TICRR: variants seen among roughly 807,000 people sequenced by gnomAD.
The protein encoded by TICRR is TOPBP1 interacting checkpoint and replication regulator.
In TICRR, 132 loss-of-function variants were observed where a neutral mutation model predicts 178.1. That is an observed-to-expected ratio of 0.74 (90% CI 0.64 to 0.86). The LOEUF (loss-of-function observed/expected upper bound fraction) is 0.86, where lower values mean the gene tolerates loss of function less well. Ranked by LOEUF, TICRR falls within the 40% of genes least tolerant of loss-of-function variation. TICRR has a pLI of 0.00. For synonymous variants in TICRR, 991 were observed against 900.7 expected, an observed-to-expected ratio of 1.10 and a Z score of -1.79; for missense variants, 2,587 against 2,334.3, an observed-to-expected ratio of 1.11 and a Z score of -2.23.
intron 21 of TICRR, among the ~76,000 whole-genome samples, chr15:89,626,344 A>G: frequency 6.6e-6 from 1 of 152,224 alleles, no homozygotes; most frequent in East Asian, 1.9e-4. Context: ...CTGCAGTCTA[A>G]GAATCTGAAC....
intron 15 of TICRR, among the ~76,000 whole-genome samples, chr15:89,610,407 C>G (rs1258123810): frequency 6.6e-6 from 1 of 152,146 alleles, no homozygotes; most frequent in African/African-American, 2.4e-5. Flanking sequence ...GTATATATGT[C>G]AATAATTATT....
intron 14 of TICRR, among the ~76,000 whole-genome samples, chr15:89,607,276 T>C (rs187341507): frequency 6.6e-6 from 1 of 152,196 alleles, no homozygotes; most frequent in Admixed American, 6.5e-5. Flanking sequence ...ATATTTTGAG[T>C]GTAATAATGG....
At position 89,599,300 on chromosome 15, in the gene TICRR, CATTTT is replaced by C; in HGVS notation, c.1901-13_1901-9del. 1 of 1,568,352 alleles carries C rather than the reference CATTTT, an allele frequency of 6.4e-7. No homozygotes were observed. The highest frequency in any genetic ancestry group is 1.2e-5 in the South Asian group (1 of 86,560). ...GGACTTGAGCAAGATATGATTAATC[CATTTT>C]ATTTTATTTTTTTCTCAGATTTTAA... On this transcript the variant is annotated intron_variant, in intron 7 of 21. Coordinates refer to ENST00000268138, the MANE Select transcript of TICRR (RefSeq NM_152259.4).
rs749973023 is a variant in TICRR, at chr15:89,595,485, C to G, written c.1774C>G (p.Gln592Glu). The G allele has an allele frequency of 6.2e-7, 1 of 1,613,938 alleles. No homozygotes were observed. The highest frequency in any genetic ancestry group is 1.3e-5 in the African/African-American group (1 of 74,896). Residue 592 changes from glutamine to glutamate, a missense_variant, in exon 7 of 22, where the codon CAG becomes GAG. Transcript: ENST00000268138. ...TGTCGCAAGGCTGAATGTGAAGGCC[C>G]AGAAGTTACATCCAGATGGCAGTCC... Reference protein sequence around the residue: ...LNVARLNVKAQKLHPDGSPDV... With the variant: ...LNVARLNVKAEKLHPDGSPDV...
In TICRR at chr15:89,590,602, G is replaced by C. The variant is rs146849622; in HGVS notation, c.1412-1445G>C. 2.2e-3 allele frequency among the ~76,000 whole-genome samples: 332 copies of C among 152,178 alleles called. 4 individuals are homozygous for C. Among genetic ancestry groups the C allele is most frequent in the African/African-American group, 7.5e-3 (310 of 41,502 alleles). Reference sequence around the variant, plus strand: ...CAGTCTCCCCACCATGCTCCATCTGGGTGAGGTCCTATTCATGCATTGGTA... The same window carrying C: ...CAGTCTCCCCACCATGCTCCATCTGCGTGAGGTCCTATTCATGCATTGGTA... On this transcript the variant is annotated intron_variant, in intron 4 of 21. Transcript: ENST00000268138.
In TICRR at chr15:89,602,785, A is replaced by G. The variant is rs773464532; in HGVS notation, c.2568-11A>G. On this transcript the variant is annotated splice_polypyrimidine_tract_variant and intron_variant, in intron 12 of 21. Coordinates refer to ENST00000268138, the MANE Select transcript of TICRR (RefSeq NM_152259.4). ...TATCTAGTATGTATTAACTATTTCT[A>G]TTTTTAAAAGGAAAAATGCATTAAT... 3.5e-6 allele frequency: 5 copies of G among 1,415,276 alleles called. No homozygotes were observed. The highest frequency in any genetic ancestry group is 1.7e-5 in the South Asian group (1 of 60,126). The allele number at this position is 1,415,276 out of a possible 1,614,324, so 87.7% of individuals were successfully genotyped here.
intron 15 of TICRR, among the ~76,000 whole-genome samples, chr15:89,614,172 A>G (rs995268103): frequency 3.9e-5 from 6 of 152,150 alleles, no homozygotes; most frequent in Admixed American, 2.0e-4. Flanking sequence ...ATAAATAAAT[A>G]AATAAATAAA....
intron 5 of TICRR, 94 bp downstream of exon 5, chr15:89,592,270 AG>A: frequency 9.8e-7 from 1 of 1,018,988 alleles, no homozygotes; most frequent in East Asian, 2.5e-5. Flanking sequence ...CTCTGAGTAT[AG>A]TCTAATAATA....
chr15:89,605,650 G>A (rs902629929), intron 13 of TICRR, among the ~76,000 whole-genome samples: 12 of 152,276 alleles, frequency 7.9e-5, no homozygotes, highest in African/African-American at 2.6e-4. Flanking sequence ...GAGCCTCTGC[G>A]CCCAGCCGGA....
intron 15 of TICRR, among the ~76,000 whole-genome samples, chr15:89,609,359 C>T (rs1963223399): frequency 6.6e-6 from 1 of 152,020 alleles, no homozygotes; most frequent in African/African-American, 2.4e-5. Context: ...GCGATCTGCC[C>T]TCCTCGGCCT....
intron 4 of TICRR, among the ~76,000 whole-genome samples, chr15:89,589,401 C>T (rs1477717667): frequency 6.6e-6 from 1 of 152,138 alleles, no homozygotes; most frequent in Non-Finnish European, 1.5e-5. Flanking sequence ...ACTCCGAGGG[C>T]CTAGGGCTCC....
chr15:89,594,523 T>C lies in TICRR; in HGVS notation c.1650T>C (p.Thr550=), dbSNP rs1158117416. Residue 550 remains threonine (T), a synonymous_variant, in exon 6 of 22, where the codon ACT becomes ACC. Transcript: ENST00000268138. ...LYQRKSREES[T]IAHQEDSKKK... is the part of the protein sequence containing the mutation. ...AGAGAAAATCTCGTGAAGAATCCAC[T>C]ATAGCTCATCAAGAAGACAGCAAAA... The C allele has an allele frequency of 3.7e-6, 6 of 1,608,342 alleles. No homozygotes were observed. Among genetic ancestry groups the C allele is most frequent in the Non-Finnish European group, 3.4e-6 (4 of 1,177,258 alleles).
chr15:89,608,178 G>T (rs1238644721), intron 14 of TICRR, among the ~76,000 whole-genome samples: 1 of 152,070 alleles, frequency 6.6e-6, no homozygotes, highest in African/African-American at 2.4e-5. Flanking sequence ...CCTTCCTTGT[G>T]TTCCTGAAAA....
At chr15:89,584,258 T>A (rs753601495) in intron 2 of TICRR, 28 bp from the exon 3 acceptor site, 12 of 1,554,882 alleles carry the variant, frequency 7.7e-6, no homozygotes, top group Non-Finnish European at 1.0e-5. Context: ...TAATTTGGCA[T>A]CCTGGTCTAA....
intron 21 of TICRR, 27 bp from the exon 22 acceptor site, chr15:89,626,929 A>G: frequency 1.9e-6 from 3 of 1,609,458 alleles, no homozygotes; most frequent in Middle Eastern, 1.7e-4. Flanking sequence ...TGACTCCTGC[A>G]TGCTAAGCCT....
chr15:89,619,557 G>C (rs1384047100), intron 17 of TICRR, 151 bp from the exon 18 acceptor site: 15 of 745,258 alleles, frequency 2.0e-5, no homozygotes, highest in Non-Finnish European at 3.0e-5. Flanking sequence ...AGTTTGTTAA[G>C]AGACACTTCA....
intron 4 of TICRR, among the ~76,000 whole-genome samples, chr15:89,587,683 A>G (rs1431010862): frequency 6.6e-6 from 1 of 152,144 alleles, no homozygotes; most frequent in Non-Finnish European, 1.5e-5. Flanking sequence ...AGCAATGTGG[A>G]TGCTCGGGAT....
intron 15 of TICRR, among the ~76,000 whole-genome samples, chr15:89,614,860 A>G (rs191486357): frequency 6.6e-4 from 100 of 152,264 alleles, no homozygotes; most frequent in African/African-American, 2.2e-3. Flanking sequence ...CACAGCCCCT[A>G]CTGAGGGGCT....
At chr15:89,615,005 A>G (rs1963311972) in intron 15 of TICRR, among the ~76,000 whole-genome samples, 1 of 152,222 alleles carries the variant, frequency 6.6e-6, no homozygotes, top group African/African-American at 2.4e-5. Flanking sequence ...CGGCACATGC[A>G]CAGTGCTACA....
Sources: allele counts gnomAD v4.1 joint callset (sites outside exome capture counted in the v4.1 genomes callset), GRCh38; gene constraint gnomAD v4.1.1; transcripts MANE v1.5; gene names NCBI Gene and HGNC (gene_info 2026-07-23, HGNC 2026-07-21).